Variants in WWC1 observed in about 807,000 individuals in gnomAD.
The protein encoded by WWC1 is WW and C2 domain containing 1, also known as protein KIBRA.
WWC1 carries 55 observed loss-of-function variants against 138.4 expected under a neutral mutation model. The observed-to-expected ratio is 0.40, with a 90% CI of 0.32 to 0.50. The LOEUF is 0.50. Ranked by LOEUF, WWC1 falls within the 20% of genes least tolerant of loss-of-function variation. The pLI is 0.72. For missense variants in WWC1, 1,226 were observed against 1,420.4 expected (o/e 0.86, Z 2.20); for synonymous variants, 524 against 564.9 (o/e 0.93, Z 1.03).
intron 2 of WWC1, among the ~76,000 whole-genome samples, chr5:168,381,726 T>G (rs1026784242): frequency 6.6e-6 from 1 of 150,530 alleles, no homozygotes; most frequent in Non-Finnish European, 1.5e-5. Flanking sequence ...CTAATTTAAG[T>G]GTTCTTCGGG....
chr5:168,396,416 G>C (rs907940361), intron 3 of WWC1, among the ~76,000 whole-genome samples: 1 of 152,092 alleles, frequency 6.6e-6, no homozygotes, highest in Non-Finnish European at 1.5e-5. Flanking sequence ...GAAAAACCCA[G>C]ATCTCAGCAG....
chr5:168,317,816 C>A (rs577588601), intron 1 of WWC1, among the ~76,000 whole-genome samples: 32 of 152,302 alleles, frequency 2.1e-4, no homozygotes, highest in African/African-American at 7.7e-4. Flanking sequence ...CAGATGTCCT[C>A]ATTTTCATTC....
At chr5:168,298,943 G>A (rs538678706) in intron 1 of WWC1, among the ~76,000 whole-genome samples, 9 of 152,300 alleles carry the variant, frequency 5.9e-5, no homozygotes, top group African/African-American at 2.2e-4. Flanking sequence ...ATATTAGCCA[G>A]GTGTGGTGGC....
At chr5:168,419,736 G>A (rs982788734) in intron 9 of WWC1, among the ~76,000 whole-genome samples, 6 of 152,156 alleles carry the variant, frequency 3.9e-5, no homozygotes, top group East Asian at 3.9e-4. Flanking sequence ...AGGCTTGCTC[G>A]ATAGGGCCCT....
At chr5:168,385,838 T>C (rs901203728) in intron 3 of WWC1, among the ~76,000 whole-genome samples, 1 of 152,176 alleles carries the variant, frequency 6.6e-6, no homozygotes, top group Non-Finnish European at 1.5e-5. Flanking sequence ...ATGGTAAATT[T>C]TATGTTGAAT....
intron 1 of WWC1, among the ~76,000 whole-genome samples, chr5:168,336,708 C>T (rs1052996511): frequency 9.2e-5 from 14 of 151,842 alleles, no homozygotes; most frequent in South Asian, 4.2e-4. Context: ...GGAAGAAAGA[C>T]GAAATTCGTC....
intron 1 of WWC1, among the ~76,000 whole-genome samples, chr5:168,293,629 C>G (rs185653072): frequency 1.3e-5 from 2 of 152,258 alleles, no homozygotes; most frequent in Admixed American, 1.3e-4. Flanking sequence ...CTTAGGCAAG[C>G]TGCTTCAACC....
intron 3 of WWC1, among the ~76,000 whole-genome samples, chr5:168,390,295 T>C (rs991664173): frequency 2.0e-5 from 3 of 152,182 alleles, no homozygotes; most frequent in South Asian, 2.1e-4. Context: ...TTCATTCGCA[T>C]TGTAAATGAA....
At chr5:168,326,216 C>CTTT (rs796347858) in intron 1 of WWC1, among the ~76,000 whole-genome samples, 9 of 113,280 alleles carry the variant, frequency 7.9e-5, no homozygotes, top group Non-Finnish European at 1.1e-4. Flanking sequence ...ACCTGATAGT[C>CTTT]TTTTTTTTTT....
intron 21 of WWC1, among the ~76,000 whole-genome samples, chr5:168,467,100 T>C (rs1236917885): frequency 6.6e-6 from 1 of 152,058 alleles, no homozygotes; most frequent in Non-Finnish European, 1.5e-5. Flanking sequence ...CTACTAAAGA[T>C]ACAAAAAATT....
In WWC1 at chr5:168,389,602, T is replaced by G. The variant is rs990263078; in HGVS notation, c.433+4188T>G. Among the ~76,000 whole-genome samples the G allele has an allele frequency of 4.5e-4, 20 of 44,280 alleles. No homozygotes were observed. In the East Asian group the frequency reaches 9.3e-3, roughly 21 times the overall value. The allele number at this position is 44,280 out of a possible 152,430, so 29.0% of individuals were successfully genotyped here. Reference sequence around the variant, plus strand: ...TGTTTAACTATTGAATTTTTGTTTTTTTTTTTTTTTTTTTTTGTTAATTTT... The same window carrying G: ...TGTTTAACTATTGAATTTTTGTTTTGTTTTTTTTTTTTTTTTGTTAATTTT... On this transcript the variant is annotated intron_variant, in intron 3 of 22. Coordinates refer to ENST00000265293, the MANE Select transcript of WWC1 (RefSeq NM_015238.3).
At chr5:168,361,517 A>G (rs1376219272) in intron 1 of WWC1, among the ~76,000 whole-genome samples, 1 of 152,132 alleles carries the variant, frequency 6.6e-6, no homozygotes, top group African/African-American at 2.4e-5. Context: ...GCCTGGGAAA[A>G]TGCTATCAAT....
Position 168,464,723 on chromosome 5 carries a change from C to G in WWC1, c.2917-6C>G, listed in dbSNP as rs773026326. The G allele has an allele frequency of 1.2e-6, 2 of 1,614,160 alleles. No individual in the cohort carries two copies. Among genetic ancestry groups the G allele is most frequent in the Non-Finnish European group, 1.7e-6 (2 of 1,180,014 alleles). On this transcript the variant is annotated splice_region_variant and splice_polypyrimidine_tract_variant and intron_variant, in intron 20 of 22. Transcript: ENST00000265293. Reference sequence around the variant, plus strand: ...ATAACAAGAGAAGCCGTCCCCACCCCCACAGCCTTCCTCGGTCAAGTCGCT... The same window carrying G: ...ATAACAAGAGAAGCCGTCCCCACCCGCACAGCCTTCCTCGGTCAAGTCGCT...
intron 8 of WWC1, among the ~76,000 whole-genome samples, chr5:168,412,952 G>A (rs939482764): frequency 2.6e-5 from 4 of 152,130 alleles, no homozygotes; most frequent in African/African-American, 9.7e-5. Context: ...AGATACCAAG[G>A]GTCAAGTGTA....
intron 1 of WWC1, among the ~76,000 whole-genome samples, chr5:168,305,483 A>G (rs376149061): frequency 1.3e-5 from 2 of 152,188 alleles, no homozygotes; most frequent in East Asian, 3.9e-4. Context: ...CGTCTTTTCT[A>G]TTCTTGGTTA....
At chr5:168,322,473 G>GT (rs1274704576) in intron 1 of WWC1, among the ~76,000 whole-genome samples, 1 of 152,186 alleles carries the variant, frequency 6.6e-6, no homozygotes, top group Non-Finnish European at 1.5e-5. Context: ...GCAATGGATA[G>GT]ATTTGACCTG....
In WWC1 at chr5:168,414,352, G is replaced by A. The variant is rs778627212; in HGVS notation, c.946G>A (p.Ala316Thr). ...LRYEEAKRRI[A>T]NLKIQLAKLD... ...GCTTGCTTTCTTGGCCCCCAGGATCGCCAACCTGAAGATCCAGCTGGCCAA... is the reference window on the plus strand; with the variant it reads ...GCTTGCTTTCTTGGCCCCCAGGATCACCAACCTGAAGATCCAGCTGGCCAA... The change falls in exon 9 of 23, where the codon GCC becomes ACC. Residue 316 changes from alanine to threonine, a missense_variant. Ala to Thr is a moderately conservative substitution (Grantham distance 58, BLOSUM62 0). Transcript: ENST00000265293. 10 of 1,611,924 alleles carry A rather than the reference G, an allele frequency of 6.2e-6. No individual in the cohort carries two copies. Among genetic ancestry groups the A allele is most frequent in the South Asian group, 1.1e-5 (1 of 90,526 alleles).
intron 17 of WWC1, among the ~76,000 whole-genome samples, chr5:168,450,148 GA>G (rs1293767028): frequency 6.6e-6 from 1 of 152,198 alleles, no homozygotes; most frequent in Admixed American, 6.5e-5. Context: ...ATGCTGATCA[GA>G]AGCCGGGCAG....
At chr5:168,455,060 C>A (rs767094690) in intron 18 of WWC1, among the ~76,000 whole-genome samples, 17 of 152,278 alleles carry the variant, frequency 1.1e-4, no homozygotes, top group Middle Eastern at 6.8e-3. Flanking sequence ...ATCACACTTT[C>A]AAAACTTTGA....
Sources: gnomAD v4.1 joint callset for allele counts (sites outside exome capture counted in the v4.1 genomes callset) on GRCh38, gnomAD v4.1.1 for gene constraint, MANE v1.5 for transcripts, NCBI Gene and HGNC (gene_info 2026-07-23, HGNC 2026-07-21) for gene names.